TXNRD3: variants seen among roughly 807,000 people sequenced by gnomAD.
TXNRD3 encodes thioredoxin reductase 3.
Under a neutral mutation model 78.2 loss-of-function variants are expected in TXNRD3, and 68 were observed. The observed-to-expected ratio is 0.87, with a 90% CI of 0.72 to 1.06. The LOEUF is 1.06. TXNRD3 is among the 50% of genes least tolerant of loss of function. The pLI is 0.00. For synonymous variants in TXNRD3, 296 were observed against 300.1 expected (o/e 0.99, Z 0.14); for missense variants, 751 against 809.5 (o/e 0.93, Z 0.88).
chr3:126,612,922 G>A (rs938739759), intron 13 of TXNRD3, among the ~76,000 whole-genome samples: 1 of 152,042 alleles, frequency 6.6e-6, no homozygotes, highest in Non-Finnish European at 1.5e-5. Flanking sequence ...TAATTCTTAC[G>A]AGCATTTGAA....
chr3:126,630,676 T>C lies in TXNRD3; in HGVS notation c.1197+36A>G, dbSNP rs1335072405. 3.3e-6 allele frequency: 5 copies of C among 1,515,976 alleles called. No individual in the cohort carries two copies. In the African/African-American group the frequency reaches 6.9e-5, roughly 21 times the overall value. 93.9% of individuals were successfully genotyped at this position (1,515,976 alleles called of 1,614,324 possible). A position where few individuals can be genotyped will look rare whatever the true frequency, so the allele number is the denominator to read the frequency against. Reference sequence around the variant, plus strand: ...AGTAAGGTGAGATAAAGTGAAAAGTTAGAGAAAAAAAATTGCAAATGCCAT... The same window carrying C: ...AGTAAGGTGAGATAAAGTGAAAAGTCAGAGAAAAAAAATTGCAAATGCCAT... On this transcript the variant is annotated intron_variant, in intron 9 of 15. Coordinates refer to ENST00000524230, the MANE Select transcript of TXNRD3 (RefSeq NM_052883.3).
At chr3:126,634,863 C>A (rs1362781922) in intron 6 of TXNRD3, among the ~76,000 whole-genome samples, 2 of 151,962 alleles carry the variant, frequency 1.3e-5, no homozygotes, top group Non-Finnish European at 2.9e-5. Context: ...TCAAGAAATG[C>A]CCCCCTACTC....
At position 126,607,145 on chromosome 3, in the gene TXNRD3, T is replaced by C. The variant is rs1417113992; in HGVS notation, c.*760A>G. The stretch of plus-strand genomic sequence containing the variant: ...TAGTTAGATTTCACATAATACAGTA[T>C]TAAAAACTTTTGGAAATAATACTAT... On this transcript the variant is annotated 3_prime_UTR_variant, in exon 16 of 16. Coordinates refer to ENST00000524230, the MANE Select transcript of TXNRD3 (RefSeq NM_052883.3). 1 of 152,228 alleles carries C rather than the reference T, an allele frequency of 6.6e-6. No homozygotes were observed. The highest frequency in any genetic ancestry group is 1.9e-4 in the East Asian group (1 of 5,204). 9.4% of individuals were successfully genotyped at this position (152,228 alleles called of 1,614,324 possible).
intron 12 of TXNRD3, among the ~76,000 whole-genome samples, chr3:126,616,527 T>C (rs1312238228): frequency 6.6e-6 from 1 of 152,044 alleles, no homozygotes. Flanking sequence ...CGGGAAGAAA[T>C]GGACCTGCAG....
chr3:126,654,640 C>A, intron 1 of TXNRD3, 108 bp downstream of exon 1: 2 of 602,192 alleles, frequency 3.3e-6, no homozygotes, highest in East Asian at 5.4e-5. Context: ...ACCTCACCGC[C>A]GCAGCCCGGG....
In TXNRD3 at chr3:126,654,735, G is replaced by T; in HGVS notation, c.243+13C>A. ...CGGTCGCGCGCGGTGGAACCGGCGA[G>T]GGCCGCGCCTACCCGAGTACTATGG... On this transcript the variant is annotated intron_variant, in intron 1 of 15. Transcript: ENST00000524230. 1 of 1,317,730 alleles carries T rather than the reference G, an allele frequency of 7.6e-7. No homozygotes were observed. Among genetic ancestry groups the T allele is most frequent in the South Asian group, 2.1e-5 (1 of 47,216 alleles). 81.6% of individuals were successfully genotyped at this position (1,317,730 alleles called of 1,614,324 possible). A position where few individuals can be genotyped will look rare whatever the true frequency, so the allele number is the denominator to read the frequency against.
At chr3:126,639,359 T>A (rs1257154268) in intron 6 of TXNRD3, among the ~76,000 whole-genome samples, 1 of 152,144 alleles carries the variant, frequency 6.6e-6, no homozygotes, top group African/African-American at 2.4e-5. Flanking sequence ...CTCACCCAGT[T>A]ACTATAGGTA....
At chr3:126,647,392 T>G (rs1304396241) in intron 1 of TXNRD3, 96 bp from the exon 2 acceptor site, 1 of 917,058 alleles carries the variant, frequency 1.1e-6, no homozygotes, top group African/African-American at 1.7e-5. Flanking sequence ...ATAAATGTTC[T>G]GGAGGAACAG....
Position 126,646,244 on chromosome 3 carries a change from T to TA in TXNRD3, c.305-25dup, listed in dbSNP as rs1933230778. The TA allele has an allele frequency of 2.7e-6, 4 of 1,482,316 alleles. No individual in the cohort carries two copies. In the South Asian group the frequency reaches 5.3e-5, roughly 20 times the overall value. The allele number at this position is 1,482,316 out of a possible 1,614,324, so 91.8% of individuals were successfully genotyped here. ...ATCTAAAGAAGAAAAAAACTATATA[T>TA]AAAAACACTGAAAAGAGTTTCAAAT... On this transcript the variant is annotated intron_variant, in intron 2 of 15. Coordinates refer to ENST00000524230, the MANE Select transcript of TXNRD3 (RefSeq NM_052883.3).
chr3:126,608,088 TG>T, intron 15 of TXNRD3, 115 bp from the exon 16 acceptor site: 1 of 767,266 alleles, frequency 1.3e-6, no homozygotes, highest in Non-Finnish European at 1.9e-6. Context: ...TGGCCAGGCA[TG>T]GTGGCTCATG....
chr3:126,629,529 GA>G, intron 9 of TXNRD3, 58 bp from the exon 10 acceptor site: 1 of 1,326,784 alleles, frequency 7.5e-7, no homozygotes, highest in Non-Finnish European at 1.0e-6. Context: ...AGAAATACAC[GA>G]AAGGGTCTAC....
chr3:126,634,179 AT>A, intron 6 of TXNRD3, 128 bp from the exon 7 acceptor site: 1 of 739,664 alleles, frequency 1.4e-6, no homozygotes, highest in East Asian at 3.2e-5. Context: ...AGTAACTTAA[AT>A]ATTTTGTATG....
intron 12 of TXNRD3, among the ~76,000 whole-genome samples, chr3:126,618,909 G>A (rs1938379754): frequency 6.7e-6 from 1 of 149,044 alleles, no homozygotes; most frequent in African/African-American, 2.5e-5. Context: ...ATGGGCAAAG[G>A]ATCTGAACAG....
At chr3:126,644,122 T>C in intron 4 of TXNRD3, 69 bp from the exon 5 acceptor site, 1 of 1,488,054 alleles carries the variant, frequency 6.7e-7, no homozygotes, top group South Asian at 1.2e-5. Context: ...CCTCAATCTT[T>C]GTCTTCCGTA....
chr3:126,630,567 A>C, intron 9 of TXNRD3, 145 bp downstream of exon 9: 1 of 839,496 alleles, frequency 1.2e-6, no homozygotes, highest in Non-Finnish European at 1.8e-6. Flanking sequence ...ACGAGGGGGA[A>C]AATGGGGTTG....
At position 126,611,107 on chromosome 3, in the gene TXNRD3, A is replaced by G. The variant is rs1938190143; in HGVS notation, c.1658T>C (p.Leu553Pro). The G allele has an allele frequency of 4.6e-6, 7 of 1,527,506 alleles. No individual in the cohort carries two copies. Among genetic ancestry groups the G allele is most frequent in the Non-Finnish European group, 6.1e-6 (7 of 1,142,596 alleles). 94.6% of individuals were successfully genotyped at this position (1,527,506 alleles called of 1,614,324 possible). The change falls in exon 14 of 16, where the codon CTT becomes CCT. Residue 553 changes from leucine to proline, a missense_variant. Transcript: ENST00000524230. Reference sequence around the variant, plus strand: ...CTCTCTGCCAGCTACTGTCCATTCAAGAGGCCAGAACAAAGTATGATATAT... The same window carrying G: ...CTCTCTGCCAGCTACTGTCCATTCAGGAGGCCAGAACAAAGTATGATATAT...
chr3:126,633,459 A>C (rs1008209083), intron 7 of TXNRD3, among the ~76,000 whole-genome samples: 38 of 152,202 alleles, frequency 2.5e-4, no homozygotes, highest in African/African-American at 9.2e-4. Flanking sequence ...ATATGTATTA[A>C]TCTAATAATA....
chr3:126,638,030 G>A (rs1191555326), intron 6 of TXNRD3, among the ~76,000 whole-genome samples: 4 of 123,202 alleles, frequency 3.2e-5, no homozygotes, highest in South Asian at 2.9e-4. Flanking sequence ...TGCAACCTCC[G>A]CCTCCTGGGT....
At position 126,655,035 on chromosome 3, in the gene TXNRD3, G is replaced by T. The variant is rs1211081756; in HGVS notation, c.-45C>A. 3.9e-6 allele frequency: 5 copies of T among 1,290,372 alleles called. No individual in the cohort carries two copies. Among genetic ancestry groups the T allele is most frequent in the Non-Finnish European group, 4.9e-6 (5 of 1,020,424 alleles). The allele number at this position is 1,290,372 out of a possible 1,614,324, so 79.9% of individuals were successfully genotyped here. A position where few individuals can be genotyped will look rare whatever the true frequency, so the allele number is the denominator to read the frequency against. ...GCCCGGCCGGGCCTGCTCACAAACC[G>T]AAACGCAGGCGGCTGCGGCGCCGGG... On this transcript the variant is annotated 5_prime_UTR_variant, in exon 1 of 16. Transcript: ENST00000524230.
Sources: allele counts gnomAD v4.1 joint callset (sites outside exome capture counted in the v4.1 genomes callset), GRCh38; gene constraint gnomAD v4.1.1; transcripts MANE v1.5; gene names NCBI Gene and HGNC (gene_info 2026-07-23, HGNC 2026-07-21).